The following RBFOX1 variants were observed in gnomAD, a reference collection of about 807,000 sequenced individuals.
RBFOX1 encodes the protein RNA binding fox-1 homolog 1, also known as RNA binding protein fox-1 homolog 1.
A neutral mutation model predicts 57.7 loss-of-function variants in RBFOX1; 8 were observed. The observed-to-expected ratio is 0.14, with a 90% confidence interval of 0.08 to 0.25. The LOEUF is 0.25. Among genes scored for constraint, RBFOX1 ranks in the 10% least tolerant of loss-of-function variants. RBFOX1 has a pLI of 1.00. For synonymous variants in RBFOX1, 326 were observed against 222.4 expected (o/e 1.47, Z -4.15); for missense variants, 611 against 548.5 (o/e 1.11, Z -1.14).
At chr16:7,410,191 C>G (rs2098409198) in intron 4 of RBFOX1, among the ~76,000 whole-genome samples, 2 of 117,004 alleles carry the variant, frequency 1.7e-5, no homozygotes, top group African/African-American at 3.0e-5. Context: ...AATAGCTCAT[C>G]TGCGCTGGGT....
intron 4 of RBFOX1, among the ~76,000 whole-genome samples, chr16:5,963,200 G>A (rs1349014522): frequency 1.3e-5 from 2 of 152,194 alleles, no homozygotes; most frequent in Non-Finnish European, 2.9e-5. Flanking sequence ...AGGTAATGCT[G>A]CTGTATCAAA....
intron 4 of RBFOX1, among the ~76,000 whole-genome samples, chr16:7,512,934 C>T (rs771466309): frequency 2.0e-5 from 3 of 152,170 alleles, no homozygotes; most frequent in African/African-American, 7.2e-5. Flanking sequence ...AACACAGGTC[C>T]ATGGTGTGTG....
intron 2 of RBFOX1, among the ~76,000 whole-genome samples, chr16:6,375,543 G>A (rs1399782765): frequency 6.6e-6 from 1 of 151,858 alleles, no homozygotes; most frequent in East Asian, 1.9e-4. Flanking sequence ...TTTCTCTTTC[G>A]GCTCATTTGA....
chr16:6,729,272 G>C (rs951988777), intron 3 of RBFOX1, among the ~76,000 whole-genome samples: 1 of 152,056 alleles, frequency 6.6e-6, no homozygotes, highest in Non-Finnish European at 1.5e-5. Context: ...CTTGAGATTG[G>C]GACCTGACGA....
intron 3 of RBFOX1, among the ~76,000 whole-genome samples, chr16:5,730,415 TG>T (rs1465684242): frequency 1.3e-5 from 2 of 152,196 alleles, no homozygotes; most frequent in Non-Finnish European, 2.9e-5. Flanking sequence ...GTAGAGGGCA[TG>T]GAACTGGTTG....
chr16:5,980,024 G>C (rs74802497), intron 4 of RBFOX1, among the ~76,000 whole-genome samples: 5,660 of 152,248 alleles, frequency 0.037, 141 homozygotes, highest in Non-Finnish European at 0.06. Context: ...TAGGGAATTT[G>C]ATCCAAGGGT....
chr16:7,199,658 C>T (rs1198165874), intron 4 of RBFOX1, among the ~76,000 whole-genome samples: 1 of 152,192 alleles, frequency 6.6e-6, no homozygotes, highest in East Asian at 1.9e-4. Context: ...CTTTGGCAGG[C>T]TGAGGCAGAC....
chr16:5,968,624 AT>A (rs886208191), intron 4 of RBFOX1, among the ~76,000 whole-genome samples: 19 of 150,576 alleles, frequency 1.3e-4, no homozygotes, highest in South Asian at 4.2e-4. Flanking sequence ...ATGCCTGAAG[AT>A]TTTTTTTTTC....
chr16:6,141,745 A>G (rs1433549730), intron 1 of RBFOX1, among the ~76,000 whole-genome samples: 1 of 152,160 alleles, frequency 6.6e-6, no homozygotes, highest in African/African-American at 2.4e-5. Flanking sequence ...TTGTGTAATT[A>G]TTGTATGCTG....
chr16:6,554,827 C>G (rs2097066959), intron 2 of RBFOX1, among the ~76,000 whole-genome samples: 1 of 151,124 alleles, frequency 6.6e-6, no homozygotes, highest in Admixed American at 6.6e-5. Context: ...CACACAGACA[C>G]ACACAGACTC....
intron 10 of RBFOX1, among the ~76,000 whole-genome samples, chr16:7,619,623 GC>G (rs1743533592): frequency 1.3e-5 from 2 of 150,766 alleles, no homozygotes; most frequent in Admixed American, 1.3e-4. Flanking sequence ...CAATAGAGAA[GC>G]CTGTCTAGAC....
chr16:5,970,609 C>G (rs999715619), intron 4 of RBFOX1, among the ~76,000 whole-genome samples: 3 of 152,268 alleles, frequency 2.0e-5, no homozygotes, highest in East Asian at 3.9e-4. Context: ...AGAAGACAGA[C>G]TGTGGGCCGA....
intron 3 of RBFOX1, among the ~76,000 whole-genome samples, chr16:6,859,119 A>ATATG (rs1555536657): frequency 2.4e-5 from 2 of 82,212 alleles, no homozygotes; most frequent in East Asian, 6.9e-4. Context: ...GTGTATATAT[A>ATATG]TATATATATA....
intron 1 of RBFOX1, among the ~76,000 whole-genome samples, chr16:6,043,925 C>T (rs1331004510): frequency 6.6e-6 from 1 of 152,072 alleles, no homozygotes; most frequent in East Asian, 1.9e-4. Context: ...CTTCTGGGAC[C>T]CTCTAACTTT....
chr16:6,836,552 T>G lies in RBFOX1; in HGVS notation c.-16+181902T>G, dbSNP rs368190608. Among the ~76,000 whole-genome samples, 5 of 152,284 alleles carry G rather than the reference T, an allele frequency of 3.3e-5. No individual in the cohort carries two copies. The South Asian group carries it at 8.3e-4, about 25-fold the overall frequency. ...TATGACCACGAATGACACCTTCAAA[T>G]GGGAACCTTTTGTGCCTAGAGAAAT... On this transcript the variant is annotated intron_variant, in intron 3 of 15. Transcript: ENST00000550418.
Position 7,449,376 on chromosome 16 carries a change from G to C in RBFOX1, c.28-68771G>C, listed in dbSNP as rs1567222624. Among the ~76,000 whole-genome samples, 4 of 152,272 alleles carry C rather than the reference G, an allele frequency of 2.6e-5. No homozygotes were observed. The South Asian group carries it at 8.3e-4, about 32-fold the overall frequency. The stretch of plus-strand genomic sequence containing the variant: ...CCAAGTGAAAGTAGTCAGTGGGGGA[G>C]AATGGCAGTGAAAATAGATGGATGA... On this transcript the variant is annotated intron_variant, in intron 4 of 15. Transcript: ENST00000550418.
rs557390862 is a variant in RBFOX1 at position 5,886,856 on chromosome 16, C to T, written c.351+19521C>T. Among the ~76,000 whole-genome samples the T allele has an allele frequency of 3.9e-5, 6 of 152,362 alleles. No individual in the cohort carries two copies. The East Asian group carries it at 1.2e-3, about 29-fold the overall frequency. On this transcript the variant is annotated intron_variant, in intron 4 of 19. Transcript: ENST00000641259. ...TGAGCCGAGATTGTGCCACAGCATT[C>T]TAGCCTGGGCAACGGAGTGAGACTC...
At chr16:6,228,374 C>T (rs149482343) in intron 1 of RBFOX1, among the ~76,000 whole-genome samples, 1 of 151,640 alleles carries the variant, frequency 6.6e-6, no homozygotes, top group Non-Finnish European at 1.5e-5. Context: ...ATGGAAACAA[C>T]CTAAGTGTCC....
intron 1 of RBFOX1, among the ~76,000 whole-genome samples, chr16:5,377,708 A>C (rs2066022949): frequency 6.6e-6 from 1 of 151,452 alleles, no homozygotes; most frequent in Non-Finnish European, 1.5e-5. Flanking sequence ...GAAGGCGTGC[A>C]GCCCAGGAGA....
Sources: gnomAD v4.1 joint callset for allele counts (sites outside exome capture counted in the v4.1 genomes callset) on GRCh38, gnomAD v4.1.1 for gene constraint, MANE v1.5 for transcripts, NCBI Gene and HGNC (gene_info 2026-07-23, HGNC 2026-07-21) for gene names.